The following KIAA1328 variants were observed in gnomAD, a reference collection of about 807,000 sequenced individuals.
KIAA1328 encodes the protein protein hinderin.
KIAA1328 carries 52 observed loss-of-function variants against 68.1 expected under a neutral mutation model. The ratio of observed to expected loss-of-function variants is 0.76; its 90% CI spans 0.61 to 0.96. KIAA1328 has a LOEUF of 0.96. KIAA1328 is among the 40% of genes least tolerant of loss of function. The pLI is 0.00. For synonymous variants in KIAA1328, 232 were observed against 239.4 expected (o/e 0.97, Z 0.28); for missense variants, 641 against 677.6 (o/e 0.95, Z 0.60).
At chr18:36,850,346 T>C (rs1370211817) in intron 4 of KIAA1328, among the ~76,000 whole-genome samples, 2 of 152,064 alleles carry the variant, frequency 1.3e-5, no homozygotes, top group African/African-American at 4.8e-5. Flanking sequence ...TCTGAAACTT[T>C]ACTGAATTTG....
At chr18:36,829,307 G>C (rs1486516829) in intron 1 of KIAA1328, 111 bp downstream of exon 1, 4 of 1,412,138 alleles carry the variant, frequency 2.8e-6, no homozygotes, top group East Asian at 2.9e-5. Flanking sequence ...CTAACCCCGG[G>C]GATGGGGACG....
intron 7 of KIAA1328, chr18:37,084,013 A>T: frequency 2.2e-6 from 1 of 454,578 alleles, no homozygotes; most frequent in Non-Finnish European, 3.6e-6. Flanking sequence ...ACTAAGTTTT[A>T]ATTGGAAAAT....
chr18:37,222,493 C>G lies in KIAA1328; in HGVS notation c.*266C>G. ...CAGATTAGAAAATTAACATAGGATA[C>G]TTTCTGCGTGGTGGAAACCATTGCA... is the stretch of plus-strand genomic sequence containing the variant. On this transcript the variant is annotated 3_prime_UTR_variant, in exon 10 of 10. Coordinates refer to ENST00000280020, the MANE Select transcript of KIAA1328 (RefSeq NM_020776.3). The G allele has an allele frequency of 7.9e-7, 1 of 1,259,766 alleles. No individual in the cohort carries two copies. The highest frequency in any genetic ancestry group is 1.0e-6 in the Non-Finnish European group (1 of 996,338). 78.0% of individuals were successfully genotyped at this position (1,259,766 alleles called of 1,614,324 possible). A position where few individuals can be genotyped will look rare whatever the true frequency, so the allele number is the denominator to read the frequency against.
At chr18:36,865,224 G>A (rs535244499) in intron 4 of KIAA1328, among the ~76,000 whole-genome samples, 2 of 150,940 alleles carry the variant, frequency 1.3e-5, no homozygotes, top group South Asian at 2.1e-4. Flanking sequence ...ATTTTAATTC[G>A]TTCTGTTTTC....
At chr18:36,912,582 C>T (rs555429697) in intron 5 of KIAA1328, among the ~76,000 whole-genome samples, 33 of 152,224 alleles carry the variant, frequency 2.2e-4, no homozygotes, top group Non-Finnish European at 2.9e-4. Flanking sequence ...ACCGTTACTC[C>T]GCCTGCCTAC....
intron 4 of KIAA1328, among the ~76,000 whole-genome samples, chr18:36,850,312 A>G (rs56364983): frequency 0.14 from 20,699 of 152,008 alleles, 1,754 homozygotes; most frequent in Admixed American, 0.18. Context: ...GAACACAAAT[A>G]GCTATTGTGT....
At chr18:37,102,168 G>A (rs1020174337) in intron 7 of KIAA1328, among the ~76,000 whole-genome samples, 3 of 152,154 alleles carry the variant, frequency 2.0e-5, no homozygotes, top group Non-Finnish European at 4.4e-5. Flanking sequence ...GATCAAGTGG[G>A]GTTTATGCCA....
intron 6 of KIAA1328, among the ~76,000 whole-genome samples, chr18:37,040,647 G>A (rs1411754384): frequency 6.6e-6 from 1 of 151,298 alleles, no homozygotes; most frequent in Non-Finnish European, 1.5e-5. Flanking sequence ...AGAAGCTTAT[G>A]TTATTGACTT....
chr18:37,050,295 T>C (rs1219133995), intron 6 of KIAA1328, among the ~76,000 whole-genome samples: 1 of 152,188 alleles, frequency 6.6e-6, no homozygotes, highest in African/African-American at 2.4e-5. Context: ...GTTGCGTCCT[T>C]AAATGAATCT....
chr18:36,925,048 T>A (rs533694539), intron 5 of KIAA1328: 1 of 152,318 alleles, frequency 6.6e-6, no homozygotes, highest in African/African-American at 2.4e-5. Flanking sequence ...GACCTGTAAG[T>A]TATATTTGTT....
chr18:37,126,232 A>G (rs911386573), intron 7 of KIAA1328, among the ~76,000 whole-genome samples: 1 of 152,220 alleles, frequency 6.6e-6, no homozygotes, highest in African/African-American at 2.4e-5. Flanking sequence ...TCTCATATGT[A>G]TGCAAATATT....
intron 8 of KIAA1328, 132 bp downstream of exon 8, chr18:37,160,513 G>T: frequency 2.9e-6 from 2 of 700,410 alleles, no homozygotes; most frequent in African/African-American, 1.8e-5. Context: ...GTGCCTGCAA[G>T]GCCACAGGTA....
intron 7 of KIAA1328, among the ~76,000 whole-genome samples, chr18:37,096,109 G>A (rs2057397853): frequency 6.6e-6 from 1 of 151,804 alleles, no homozygotes. Context: ...TTAAGTTTTA[G>A]CGTACATGTG....
At chr18:36,850,158 T>G (rs544978385) in intron 4 of KIAA1328, among the ~76,000 whole-genome samples, 2 of 152,072 alleles carry the variant, frequency 1.3e-5, no homozygotes, top group Non-Finnish European at 2.9e-5. Flanking sequence ...GTTTTTTCAC[T>G]TTCTCAGTGG....
chr18:36,862,627 TCTCC>T (rs1215734303), intron 4 of KIAA1328, among the ~76,000 whole-genome samples: 2 of 152,224 alleles, frequency 1.3e-5, no homozygotes, highest in Non-Finnish European at 2.9e-5. Flanking sequence ...ATTTGTGTTG[TCTCC>T]AGTGTTATAA....
intron 4 of KIAA1328, among the ~76,000 whole-genome samples, chr18:36,881,636 A>G (rs1189250317): frequency 6.6e-6 from 1 of 152,190 alleles, no homozygotes; most frequent in African/African-American, 2.4e-5. Flanking sequence ...CTAGCCCCAG[A>G]CAACCACTGC....
intron 7 of KIAA1328, among the ~76,000 whole-genome samples, chr18:37,069,993 A>G: frequency 6.6e-6 from 1 of 152,114 alleles, no homozygotes; most frequent in East Asian, 1.9e-4. Flanking sequence ...TGATTCAGCT[A>G]TGTCCCACAA....
chr18:37,153,073 G>A (rs2059072517), intron 7 of KIAA1328, among the ~76,000 whole-genome samples: 1 of 152,166 alleles, frequency 6.6e-6, no homozygotes, highest in Non-Finnish European at 1.5e-5. Flanking sequence ...TAAAAAATTA[G>A]GGTGGGGCAG....
At chr18:37,107,895 C>T (rs1482589510) in intron 7 of KIAA1328, among the ~76,000 whole-genome samples, 2 of 151,544 alleles carry the variant, frequency 1.3e-5, no homozygotes, top group Non-Finnish European at 2.9e-5. Flanking sequence ...CTGGCAAGCC[C>T]GTGGAGAAAA....
Sources: allele counts gnomAD v4.1 joint callset (sites outside exome capture counted in the v4.1 genomes callset), GRCh38; gene constraint gnomAD v4.1.1; transcripts MANE v1.5; gene names NCBI Gene and HGNC (gene_info 2026-07-23, HGNC 2026-07-21).